The following CNTN4 variants were observed in gnomAD, a reference collection of about 807,000 sequenced individuals.
CNTN4 encodes the protein contactin 4.
A neutral mutation model predicts 122.5 loss-of-function variants in CNTN4; 77 were observed. That is an observed-to-expected ratio of 0.63 (90% CI 0.52 to 0.76). CNTN4 has a LOEUF of 0.76. Among genes scored for constraint, CNTN4 ranks in the 30% least tolerant of loss-of-function variants. The probability of loss-of-function intolerance (pLI) is 0.00; values close to 1 mark genes in which losing one functional copy is unlikely to be tolerated. For missense variants in CNTN4, 1,256 were observed against 1,259.1 expected, an observed-to-expected ratio of 1.00 and a Z score of 0.04; for synonymous variants, 512 against 447.0, an observed-to-expected ratio of 1.15 and a Z score of -1.83.
chr3:2,478,172 G>A lies in CNTN4; in HGVS notation c.-88-93244G>A, dbSNP rs111315287. ...CCTTTTCATTTTAAAGAAGGAAAAT[G>A]CATTCTACAAAGTCAGAAAAGTACA... is the stretch of plus-strand genomic sequence containing the variant. On this transcript the variant is annotated intron_variant, in intron 3 of 24. Transcript: ENST00000418658. 7.0e-4 allele frequency among the ~76,000 whole-genome samples: 106 copies of A among 152,260 alleles called. 1 individual carries two copies. Among genetic ancestry groups the A allele is most frequent in the African/African-American group, 2.5e-3 (103 of 41,552 alleles).
At chr3:2,619,201 G>A (rs1472088171) in intron 4 of CNTN4, among the ~76,000 whole-genome samples, 1 of 152,184 alleles carries the variant, frequency 6.6e-6, no homozygotes, top group African/African-American at 2.4e-5. Flanking sequence ...CTAAATAAGT[G>A]CAGAAGCAAA....
At chr3:2,593,325 A>T (rs924957117) in intron 4 of CNTN4, among the ~76,000 whole-genome samples, 1 of 152,204 alleles carries the variant, frequency 6.6e-6, no homozygotes, top group African/African-American at 2.4e-5. Flanking sequence ...ACATTTGTTC[A>T]TTCAGCACCT....
chr3:2,835,045 C>T (rs986532534), intron 7 of CNTN4, among the ~76,000 whole-genome samples: 15 of 151,654 alleles, frequency 9.9e-5, no homozygotes, highest in South Asian at 2.1e-4. Flanking sequence ...GCTGGGACTA[C>T]AGGCGCCCGC....
chr3:3,029,245 T>A (rs1336835006), intron 15 of CNTN4, among the ~76,000 whole-genome samples: 1 of 152,150 alleles, frequency 6.6e-6, no homozygotes, highest in African/African-American at 2.4e-5. Flanking sequence ...TGGACATGTC[T>A]GTTTCACAAA....
intron 4 of CNTN4, among the ~76,000 whole-genome samples, chr3:2,604,471 A>G (rs912692276): frequency 6.6e-6 from 1 of 152,206 alleles, no homozygotes; most frequent in African/African-American, 2.4e-5. Flanking sequence ...TGGATTGACA[A>G]TCAGCAAAAT....
intron 4 of CNTN4, among the ~76,000 whole-genome samples, chr3:2,607,275 A>G (rs2081296002): frequency 6.6e-6 from 1 of 152,208 alleles, no homozygotes; most frequent in South Asian, 2.1e-4. Flanking sequence ...CAATCTAGCC[A>G]TGATAATTCT....
chr3:2,850,174 G>A (rs751778140), intron 7 of CNTN4, among the ~76,000 whole-genome samples: 1 of 151,946 alleles, frequency 6.6e-6, no homozygotes, highest in Non-Finnish European at 1.5e-5. Context: ...ATTTTTAGTA[G>A]AGACCAGGTT....
intron 4 of CNTN4, among the ~76,000 whole-genome samples, chr3:2,680,788 T>G (rs2085123691): frequency 6.6e-6 from 1 of 152,184 alleles, no homozygotes; most frequent in Admixed American, 6.5e-5. Context: ...TGGATACCAG[T>G]TTTATACATG....
intron 15 of CNTN4, among the ~76,000 whole-genome samples, chr3:3,028,865 T>G (rs1698944942): frequency 6.6e-6 from 1 of 152,208 alleles, no homozygotes; most frequent in South Asian, 2.1e-4. Context: ...TGGATTTTTT[T>G]TCTACCACAC....
chr3:2,277,895 G>A (rs1439317058), intron 2 of CNTN4, among the ~76,000 whole-genome samples: 1 of 152,068 alleles, frequency 6.6e-6, no homozygotes, highest in Non-Finnish European at 1.5e-5. Context: ...CTAATTCAGT[G>A]GAATCAGCAC....
chr3:2,628,284 T>C (rs1023390691), intron 4 of CNTN4, among the ~76,000 whole-genome samples: 1 of 152,120 alleles, frequency 6.6e-6, no homozygotes, highest in Non-Finnish European at 1.5e-5. Flanking sequence ...GTGAAAGCAA[T>C]TGTGAGGCAG....
Position 2,604,988 on chromosome 3 carries a change from C to T in CNTN4, c.55+33430C>T, listed in dbSNP as rs2081196739. Among the ~76,000 whole-genome samples, 3 of 152,116 alleles carry T rather than the reference C, an allele frequency of 2.0e-5. No individual in the cohort carries two copies. In the South Asian group the frequency reaches 6.2e-4, roughly 32 times the overall value. On this transcript the variant is annotated intron_variant, in intron 4 of 24. Coordinates refer to ENST00000418658, the MANE Select transcript of CNTN4 (RefSeq NM_175607.3). Reference sequence around the variant, plus strand: ...ATCTCCAGAACTTATTAATATTTTGCATAACTGTTCTGCTAGGCTTTTTAA... The same window carrying T: ...ATCTCCAGAACTTATTAATATTTTGTATAACTGTTCTGCTAGGCTTTTTAA...
At chr3:2,785,824 C>G (rs1341878425) in intron 6 of CNTN4, among the ~76,000 whole-genome samples, 1 of 151,198 alleles carries the variant, frequency 6.6e-6, no homozygotes, top group African/African-American at 2.4e-5. Context: ...ACTCATGGCC[C>G]AAAGTGAGAA....
intron 3 of CNTN4, among the ~76,000 whole-genome samples, chr3:2,437,919 C>T (rs1267191475): frequency 6.6e-6 from 1 of 152,100 alleles, no homozygotes; most frequent in East Asian, 1.9e-4. Flanking sequence ...AATCAGCATT[C>T]AATGGGGTCT....
intron 2 of CNTN4, among the ~76,000 whole-genome samples, chr3:2,329,244 A>G (rs867178493): frequency 1.4e-4 from 21 of 152,332 alleles, no homozygotes; most frequent in East Asian, 1.2e-3. Context: ...CTATATGTCT[A>G]TATTTCATGG....
intron 2 of CNTN4, among the ~76,000 whole-genome samples, chr3:2,226,212 G>C (rs1424787461): frequency 6.6e-6 from 1 of 151,914 alleles, no homozygotes; most frequent in Non-Finnish European, 1.5e-5. Context: ...ATGTTATTAT[G>C]TTTTATTTCT....
chr3:2,732,182 T>C lies in CNTN4; in HGVS notation c.56-4033T>C, dbSNP rs546249485. ...TGGGTCTAAAACCGGTGTTGGCCGA[T>C]GTTCTGTTCTTAGGAAATGGAGAGC... On this transcript the variant is annotated intron_variant, in intron 4 of 24. Transcript: ENST00000418658. Among the ~76,000 whole-genome samples, 18 of 152,298 alleles carry C rather than the reference T, an allele frequency of 1.2e-4. No homozygotes were observed. The South Asian group carries it at 3.7e-3, about 32-fold the overall frequency.
chr3:3,019,466 A>G (rs936346135), intron 14 of CNTN4, among the ~76,000 whole-genome samples: 1 of 150,976 alleles, frequency 6.6e-6, no homozygotes, highest in African/African-American at 2.4e-5. Flanking sequence ...TAGTTTTTGT[A>G]TTTTTTTTAG....
At chr3:2,774,522 A>G (rs933405380) in intron 6 of CNTN4, among the ~76,000 whole-genome samples, 1 of 152,144 alleles carries the variant, frequency 6.6e-6, no homozygotes, top group Non-Finnish European at 1.5e-5. Flanking sequence ...ATTGACTGAA[A>G]AATAATGGTT....
Sources: allele counts gnomAD v4.1 joint callset (sites outside exome capture counted in the v4.1 genomes callset), GRCh38; gene constraint gnomAD v4.1.1; transcripts MANE v1.5; gene names NCBI Gene and HGNC (gene_info 2026-07-23, HGNC 2026-07-21).